Variants in GBP2 observed in about 807,000 individuals in gnomAD.
GBP2 encodes the protein guanylate-binding protein 2.
Under a neutral mutation model 60.8 loss-of-function variants are expected in GBP2, and 54 were observed. That is an observed-to-expected ratio of 0.89 (90% CI 0.71 to 1.11). The LOEUF is 1.11. Among genes scored for constraint, GBP2 ranks in the 50% most tolerant of loss-of-function variants. The pLI is 0.00. For missense variants in GBP2, 665 were observed against 703.3 expected (o/e 0.95, Z 0.62); for synonymous variants, 243 against 256.5 (o/e 0.95, Z 0.50).
intron 1 of GBP2, among the ~76,000 whole-genome samples, chr1:89,123,826 C>T (rs887570089): frequency 2.0e-5 from 3 of 152,212 alleles, no homozygotes; most frequent in Non-Finnish European, 1.5e-5. Flanking sequence ...AGAGAAGTGT[C>T]ACTTTCCCTT....
At chr1:89,117,367 G>T in intron 5 of GBP2, 133 bp from the exon 6 acceptor site, 1 of 932,540 alleles carries the variant, frequency 1.1e-6, no homozygotes, top group Non-Finnish European at 1.6e-6. Flanking sequence ...AAATTAAAGG[G>T]GTAGAGAAAG....
chr1:89,109,939 C>A, intron 9 of GBP2, 69 bp from the exon 10 acceptor site: 3 of 1,421,514 alleles, frequency 2.1e-6, no homozygotes, highest in Admixed American at 2.2e-5. Flanking sequence ...TCCTTTCCCT[C>A]GTTTTTGTTT....
chr1:89,112,510 T>G lies in GBP2; in HGVS notation c.1324A>C (p.Lys442Gln). The G allele has an allele frequency of 1.9e-6, 3 of 1,614,172 alleles. No homozygotes were observed. Among genetic ancestry groups the G allele is most frequent in the Non-Finnish European group, 2.5e-6 (3 of 1,180,026 alleles). Residue 442 changes from lysine (K) to glutamine (Q), a missense_variant, in exon 8 of 11, where the codon AAG (lysine) becomes CAG (glutamine). Transcript: ENST00000370466. ...CTTGGCACCTGGTAGTACTTATTCT[T>G]CAGCTCCTGCAGCTTCTGAGTAAAG... ...RLFTQKLQEL[K>Q]NKYYQVPRKG...
At chr1:89,111,985 G>A (rs1392923695) in intron 8 of GBP2, among the ~76,000 whole-genome samples, 6 of 151,944 alleles carry the variant, frequency 3.9e-5, no homozygotes, top group East Asian at 1.9e-4. Context: ...TACAAATTTC[G>A]GATATTAGTA....
At chr1:89,115,949 AC>A (rs1373879340) in intron 6 of GBP2, among the ~76,000 whole-genome samples, 3 of 152,072 alleles carry the variant, frequency 2.0e-5, no homozygotes, top group Non-Finnish European at 4.4e-5. Context: ...ATGCATTTCC[AC>A]ATTACATTAT....
Position 89,109,742 on chromosome 1 carries a change from T to C in GBP2, c.1594A>G (p.Lys532Glu), listed in dbSNP as rs763994452. ...AACTGGGCCCTGTCCCTCTCCATCT[T>C]CTCAGTCAATTGTTTCACATGTTCC... ...YQEHVKQLTE[K>E]MERDRAQLMA... is the part of the protein sequence containing the mutation. Residue 532 changes from lysine (K) to glutamate (E), a missense_variant, in exon 10 of 11, where the codon AAG becomes GAG. Lys to Glu is a moderately conservative substitution (Grantham distance 56, BLOSUM62 1). Transcript: ENST00000370466. The C allele has an allele frequency of 9.3e-6, 15 of 1,614,080 alleles. No individual in the cohort carries two copies. The highest frequency in any genetic ancestry group is 5.0e-5 in the Admixed American group (3 of 60,014).
rs976835084 is a variant in GBP2 at position 89,107,243 on chromosome 1, T to C, written c.*932A>G. On this transcript the variant is annotated 3_prime_UTR_variant, in exon 11 of 11. Coordinates refer to ENST00000370466, the MANE Select transcript of GBP2 (RefSeq NM_004120.5). ...AGTAAGTCATTTACCCTGAGTAGCT[T>C]TGAGGATATAATGTCATAGCAGAGG... is the stretch of plus-strand genomic sequence containing the variant. Among the ~76,000 whole-genome samples, 7 of 152,212 alleles carry C rather than the reference T, an allele frequency of 4.6e-5. No homozygotes were observed. The South Asian group carries it at 1.2e-3, about 27-fold the overall frequency.
Position 89,110,168 on chromosome 1 carries a change from A to C in GBP2, c.1461T>G (p.Ile487Met), listed in dbSNP as rs775172046. The C allele has an allele frequency of 8.1e-6, 13 of 1,611,330 alleles. No individual in the cohort carries two copies. In the South Asian group the frequency reaches 1.2e-4, roughly 15 times the overall value. Residue 487 changes from isoleucine (I) to methionine (M), a missense_variant, in exon 9 of 11, where the codon ATT becomes ATG. Ile to Met is a conservative substitution (Grantham distance 10). Coordinates refer to ENST00000370466, the MANE Select transcript of GBP2 (RefSeq NM_004120.5). ...DQSLSEKEKA[I>M]EVERIKAESA... is the part of the protein sequence containing the mutation. ...AGTGTTTTCAGCTGTTCTCACCTTC[A>C]ATCGCTTTTTCCTTTTCTGAGAGTG...
chr1:89,121,227 G>A lies in GBP2; in HGVS notation c.234C>T (p.Ile78=). The part of the protein sequence containing the change: ...GSTVKSHTKG[I]WMWCVPHPKK... ...TGGGATGAGGCACACACCACATCCAGATTCCCTTGGTGTGAGACTTCACTG... is the reference window on the plus strand; with the variant it reads ...TGGGATGAGGCACACACCACATCCAAATTCCCTTGGTGTGAGACTTCACTG... Residue 78 remains isoleucine (I), a synonymous_variant, in exon 3 of 11, where the codon ATC becomes ATT. Transcript: ENST00000370466. 2 of 1,612,008 alleles carry A rather than the reference G, an allele frequency of 1.2e-6. No homozygotes were observed. Among genetic ancestry groups the A allele is most frequent in the Non-Finnish European group, 1.7e-6 (2 of 1,178,510 alleles).
At chr1:89,111,842 C>T (rs1298699288) in intron 8 of GBP2, among the ~76,000 whole-genome samples, 1 of 151,996 alleles carries the variant, frequency 6.6e-6, no homozygotes, top group Non-Finnish European at 1.5e-5. Flanking sequence ...ATACCTGAGT[C>T]GACAAATACC....
In GBP2 at chr1:89,120,227, A is replaced by T. The variant is rs138896151; in HGVS notation, c.380T>A (p.Val127Glu). The T allele has an allele frequency of 1.5e-4, 244 of 1,613,980 alleles. 2 individuals are homozygous for T. In the African/African-American group the frequency reaches 2.7e-3, roughly 18 times the overall value. Residue 127 changes from valine (V) to glutamate (E), a missense_variant, in exon 4 of 11, where the codon GTG becomes GAG. Coordinates refer to ENST00000370466, the MANE Select transcript of GBP2 (RefSeq NM_004120.5). ...ALAILLSSTF[V>E]YNSMGTINQQ... Reference sequence around the variant, plus strand: ...GTTGATGGTTCCCATGCTATTGTACACGAAGGTGCTGCTCAGGAGGATGGC... The same window carrying T: ...GTTGATGGTTCCCATGCTATTGTACTCGAAGGTGCTGCTCAGGAGGATGGC...
Position 89,109,834 on chromosome 1 carries a change from T to A in GBP2, c.1502A>T (p.Lys501Met), listed in dbSNP as rs778137762. The A allele has an allele frequency of 1.2e-6, 2 of 1,613,990 alleles. No individual in the cohort carries two copies. Among genetic ancestry groups the A allele is most frequent in the East Asian group, 4.5e-5 (2 of 44,876 alleles). ...CTTTTGTATTTCCTCCAACATTTTC[T>A]TTGCAGCTTCTGCAGATTCAGCCTT... ...RIKAESAEAA[K>M]KMLEEIQKKN... The change falls in exon 10 of 11, where the codon AAG (lysine) becomes ATG (methionine). Residue 501 changes from lysine (K) to methionine (M), a missense_variant. Physicochemically the swap from Lys to Met is moderately conservative, Grantham distance 95. Transcript: ENST00000370466.
At position 89,110,243 on chromosome 1, in the gene GBP2, A is replaced by G. The variant is rs754026373; in HGVS notation, c.1386T>C (p.Tyr462=). 6.2e-7 allele frequency: 1 copy of G among 1,613,602 alleles called. No individual in the cohort carries two copies. The highest frequency in any genetic ancestry group is 8.5e-7 in the Non-Finnish European group (1 of 1,179,776). Residue 462 remains tyrosine (Y), a synonymous_variant, in exon 9 of 11, where the codon TAT becomes TAC. Transcript: ENST00000370466. ...GIQAKEVLKK[Y]LESKEDVADA... ...CAGCCACATCCTCCTTGGACTCCAAATATTTTTTCAGCACCTCTTTGGCCT... is the reference window on the plus strand; with the variant it reads ...CAGCCACATCCTCCTTGGACTCCAAGTATTTTTTCAGCACCTCTTTGGCCT...
intron 10 of GBP2, among the ~76,000 whole-genome samples, chr1:89,108,678 T>C (rs891474909): frequency 4.6e-5 from 7 of 152,312 alleles, no homozygotes; most frequent in South Asian, 4.1e-4. Context: ...TAGGTTACTA[T>C]ATAACTCAAG....
intron 1 of GBP2, among the ~76,000 whole-genome samples, chr1:89,124,752 T>C (rs1321746472): frequency 6.6e-6 from 1 of 152,216 alleles, no homozygotes; most frequent in East Asian, 1.9e-4. Flanking sequence ...ATTCACCTGT[T>C]ATTCACTCAA....
At chr1:89,108,777 G>A (rs920888298) in intron 10 of GBP2, among the ~76,000 whole-genome samples, 1 of 152,182 alleles carries the variant, frequency 6.6e-6, no homozygotes, top group African/African-American at 2.4e-5. Context: ...AGGGCTTACA[G>A]TGGCCCATAG....
chr1:89,116,923 C>T, intron 6 of GBP2, 69 bp downstream of exon 6: 1 of 1,536,180 alleles, frequency 6.5e-7, no homozygotes, highest in Non-Finnish European at 9.0e-7. Flanking sequence ...CTTATGCTTT[C>T]CATTTTATCC....
chr1:89,110,305 T>G, intron 8 of GBP2, 39 bp from the exon 9 acceptor site: 1 of 1,505,952 alleles, frequency 6.6e-7, no homozygotes, highest in South Asian at 1.1e-5. Flanking sequence ...GAAAGAGTGA[T>G]TGTGGGTTAG....
At chr1:89,116,287 T>G (rs1681271510) in intron 6 of GBP2, among the ~76,000 whole-genome samples, 1 of 152,160 alleles carries the variant, frequency 6.6e-6, no homozygotes. Context: ...GTTCTGGGAT[T>G]ATAGGCATTA....
Sources: allele counts gnomAD v4.1 joint callset (sites outside exome capture counted in the v4.1 genomes callset), GRCh38; gene constraint gnomAD v4.1.1; transcripts MANE v1.5; gene names NCBI Gene and HGNC (gene_info 2026-07-23, HGNC 2026-07-21).